THOC2: variants seen among roughly 807,000 people sequenced by gnomAD.
THOC2 encodes THO complex subunit 2.
Under a neutral mutation model 128.4 loss-of-function variants are expected in THOC2, and 10 were observed. That is an observed-to-expected ratio of 0.08 (90% CI 0.05 to 0.13). The LOEUF (loss-of-function observed/expected upper bound fraction) is 0.13, where lower values mean the gene tolerates loss of function less well. Ranked by LOEUF, THOC2 falls within the 10% of genes least tolerant of loss-of-function variation. The pLI, the probability that THOC2 is intolerant of heterozygous loss-of-function variation, is 1.00. For missense variants in THOC2, 535 were observed against 1,155.7 expected, an observed-to-expected ratio of 0.46 and a Z score of 7.79; for synonymous variants, 393 against 396.9, an observed-to-expected ratio of 0.99 and a Z score of 0.12.
chrX:123,660,437 GT>G (rs1367351507), intron 12 of THOC2, among the ~76,000 whole-genome samples: 1 of 111,702 alleles, frequency 9.0e-6, no homozygotes, highest in Non-Finnish European at 1.9e-5. Context: ...GAAACAGTCT[GT>G]TTATATAGTC....
At chrX:123,732,880 A>G in intron 1 of THOC2, 72 bp downstream of exon 1, 1 of 1,067,510 alleles carries the variant, frequency 9.4e-7, no homozygotes, top group Non-Finnish European at 1.3e-6. Flanking sequence ...TCAACCTCCC[A>G]CTACAGGTGA....
In THOC2 at chrX:123,696,087, A is replaced by G. The variant is rs1488899173; in HGVS notation, c.535T>C (p.Leu179=). Residue 179 remains leucine (L), a synonymous_variant, in exon 7 of 39, where the codon TTG becomes CTG. Coordinates refer to ENST00000245838, the MANE Select transcript of THOC2 (RefSeq NM_001081550.2). The part of the protein sequence containing the change: ...NEGYAKLIAE[L]GQDLSGSITS... The stretch of plus-strand genomic sequence containing the variant: ...ATACTTCCAGATAAATCTTGCCCCA[A>G]TTCAGCAATCAGCTTGGCATAACCT... The G allele has an allele frequency of 5.1e-6, 6 of 1,181,794 alleles. No individual in the cohort carries two copies. The highest frequency in any genetic ancestry group is 6.9e-6 in the Non-Finnish European group (6 of 870,140).
At chrX:123,678,728 T>C (rs185056841) in intron 8 of THOC2, among the ~76,000 whole-genome samples, 51 of 110,729 alleles carry the variant, frequency 4.6e-4, no homozygotes, top group Middle Eastern at 4.6e-3. Context: ...CCGTCATATA[T>C]GTGGTCCATT....
At chrX:123,602,461 G>A (rs1010342821) in intron 38 of THOC2, 1 of 112,280 alleles carries the variant, frequency 8.9e-6, no homozygotes, top group South Asian at 3.7e-4. Context: ...GATGCTAAGT[G>A]AAAGCCAAAC....
At chrX:123,632,724 T>C (rs2047533576) in intron 21 of THOC2, 137 bp downstream of exon 21, 1 of 478,091 alleles carries the variant, frequency 2.1e-6, no homozygotes, top group Non-Finnish European at 3.4e-6. Context: ...TAGGCCCTAT[T>C]TCCAGAATGT....
chrX:123,645,166 G>T (rs1488378197), intron 13 of THOC2, among the ~76,000 whole-genome samples, 168 bp downstream of exon 13: 1 of 112,049 alleles, frequency 8.9e-6, no homozygotes, highest in Non-Finnish European at 1.9e-5. Context: ...GGGAAAAAAT[G>T]TTAATCTTAA....
chrX:123,716,015 CAAGAA>C (rs1346373988), intron 1 of THOC2, among the ~76,000 whole-genome samples: 1 of 110,771 alleles, frequency 9.0e-6, no homozygotes, highest in African/African-American at 3.3e-5. Context: ...AAAAACATTA[CAAGAA>C]AAGAAAATCA....
At chrX:123,680,784 G>T (rs1483974760) in intron 8 of THOC2, among the ~76,000 whole-genome samples, 1 of 111,443 alleles carries the variant, frequency 9.0e-6, no homozygotes, top group African/African-American at 3.3e-5. Flanking sequence ...CTTTTTAACT[G>T]CTCAGTCCAA....
At chrX:123,645,484 TCTTA>T in intron 12 of THOC2, 109 bp from the exon 13 acceptor site, 6 of 424,457 alleles carry the variant, frequency 1.4e-5, no homozygotes, top group African/African-American at 2.5e-5. Flanking sequence ...TGTAAATTGT[TCTTA>T]CTTTTTACAA....
At chrX:123,623,331 C>T (rs772903657) in intron 28 of THOC2, 48 bp from the exon 29 acceptor site, 21 of 1,075,494 alleles carry the variant, frequency 2.0e-5, no homozygotes, top group East Asian at 1.6e-4. Flanking sequence ...AATCAAAAAA[C>T]ATAAACATGA....
chrX:123,627,413 T>A (rs2147615710), intron 23 of THOC2, among the ~76,000 whole-genome samples: 1 of 111,834 alleles, frequency 8.9e-6, no homozygotes, highest in Non-Finnish European at 1.9e-5. Context: ...TCTTGAGAAC[T>A]ACTGCTCTTG....
At chrX:123,681,383 G>T (rs949280706) in intron 8 of THOC2, among the ~76,000 whole-genome samples, 1 of 110,002 alleles carries the variant, frequency 9.1e-6, no homozygotes, top group African/African-American at 3.3e-5. Flanking sequence ...GTGGGGGGGT[G>T]GGGGGATGCC....
intron 7 of THOC2, among the ~76,000 whole-genome samples, chrX:123,690,004 ATT>A (rs1256430198): frequency 1.8e-5 from 2 of 111,026 alleles, no homozygotes; most frequent in African/African-American, 6.6e-5. Flanking sequence ...ACACATATAT[ATT>A]TTTACATATA....
intron 4 of THOC2, among the ~76,000 whole-genome samples, chrX:123,703,250 AAAC>A (rs2050777034): frequency 8.9e-6 from 1 of 112,125 alleles, no homozygotes; most frequent in South Asian, 3.7e-4. Flanking sequence ...TCAAAAACTC[AAAC>A]AATTTGAATT....
intron 12 of THOC2, among the ~76,000 whole-genome samples, chrX:123,661,758 C>A (rs2048842147): frequency 9.0e-6 from 1 of 111,672 alleles, no homozygotes; most frequent in Non-Finnish European, 1.9e-5. Flanking sequence ...CTTTAGAGTA[C>A]CTTTACATAA....
chrX:123,601,105 T>TG lies in THOC2; in HGVS notation c.*251dup, dbSNP rs2046258352. 1 of 112,454 alleles carries TG rather than the reference T, an allele frequency of 8.9e-6. No homozygotes were observed. The highest frequency in any genetic ancestry group is 1.9e-5 in the Non-Finnish European group (1 of 53,253). The allele number at this position is 112,454 out of a possible 1,213,427, so 9.3% of individuals were successfully genotyped here. On this transcript the variant is annotated 3_prime_UTR_variant, in exon 39 of 39. Transcript: ENST00000245838. ...TATGCAGCACATTGTGCTAAAAGTA[T>TG]GGAACAGTTAACACTTTCAGCCATT...
chrX:123,708,510 CTT>C (rs1269239601), intron 2 of THOC2, among the ~76,000 whole-genome samples: 1 of 102,405 alleles, frequency 9.8e-6, no homozygotes. Flanking sequence ...GTTTTTTTGG[CTT>C]TTTTTTTTTA....
Position 123,626,679 on chromosome X carries a change from T to C in THOC2, c.2758-17A>G, listed in dbSNP as rs766296109. The C allele has an allele frequency of 1.7e-6, 2 of 1,178,659 alleles. No individual in the cohort carries two copies. The highest frequency in any genetic ancestry group is 2.3e-6 in the Non-Finnish European group (2 of 882,890). On this transcript the variant is annotated splice_polypyrimidine_tract_variant and intron_variant, in intron 23 of 38. Transcript: ENST00000245838. ...ATTTGGGGGCTACAAAGAATTCAATTAGACACTTTTCTAACTATATGCACA... is the reference window on the plus strand; with the variant it reads ...ATTTGGGGGCTACAAAGAATTCAATCAGACACTTTTCTAACTATATGCACA...
At chrX:123,641,970 C>G (rs2047932352) in intron 15 of THOC2, among the ~76,000 whole-genome samples, 1 of 111,834 alleles carries the variant, frequency 8.9e-6, no homozygotes, top group African/African-American at 3.2e-5. Flanking sequence ...ACAAATATAA[C>G]AAAAATCCAA....
Sources: gnomAD v4.1 joint callset for allele counts (sites outside exome capture counted in the v4.1 genomes callset) on GRCh38, gnomAD v4.1.1 for gene constraint, MANE v1.5 for transcripts, NCBI Gene and HGNC (gene_info 2026-07-23, HGNC 2026-07-21) for gene names.